The following NAV3 variants were observed in gnomAD, a reference collection of about 807,000 sequenced individuals.
NAV3 encodes the protein pore membrane and/or filament interacting like protein 1.
A neutral mutation model predicts 244.7 loss-of-function variants in NAV3; 87 were observed. That is an observed-to-expected ratio of 0.36 (90% CI 0.30 to 0.42). The LOEUF is 0.42. NAV3 is among the 20% of genes least tolerant of loss of function. NAV3 has a pLI of 1.00. For missense variants in NAV3, 2,663 were observed against 2,893.3 expected (o/e 0.92, Z 1.83); for synonymous variants, 1,126 against 1,042.2 (o/e 1.08, Z -1.55).
intron 9 of NAV3, chr12:78,037,509 G>A (rs1052307472): frequency 1.4e-5 from 8 of 585,864 alleles, no homozygotes; most frequent in African/African-American, 3.8e-5. Context: ...AAAATACATA[G>A]TTACATTTTA....
In NAV3 at chr12:77,948,680, G is replaced by GCCC. The variant is rs148302246; in HGVS notation, c.414+7552_414+7554dup. ...ACTTATTGCTCCTTCTTTTTCAATT[G>GCCC]CCCCCCCACCACTGCCAAACTTAAT... On this transcript the variant is annotated intron_variant, in intron 3 of 39. Transcript: ENST00000397909. Among the ~76,000 whole-genome samples, 15 of 131,320 alleles carry GCCC rather than the reference G, an allele frequency of 1.1e-4. No homozygotes were observed. In the South Asian group the frequency reaches 2.8e-3, roughly 25 times the overall value. The allele number at this position is 131,320 out of a possible 152,430, so 86.2% of individuals were successfully genotyped here.
At chr12:77,689,184 C>A (rs1874893633) in intron 2 of NAV3, among the ~76,000 whole-genome samples, 1 of 151,944 alleles carries the variant, frequency 6.6e-6, no homozygotes, top group South Asian at 2.1e-4. Context: ...GAAATTGCCT[C>A]TTTTCCAGAG....
chr12:78,088,826 G>C (rs912135245), intron 12 of NAV3: 1 of 152,006 alleles, frequency 6.6e-6, no homozygotes. Context: ...TGTATAATGG[G>C]ACCAAAAATA....
At chr12:78,073,361 A>G (rs375174203) in intron 12 of NAV3, among the ~76,000 whole-genome samples, 1 of 148,088 alleles carries the variant, frequency 6.8e-6, no homozygotes, top group Non-Finnish European at 1.5e-5. Context: ...AAATCAATGT[A>G]CAAAAATCAC....
At chr12:77,683,339 C>T (rs1286919198) in intron 2 of NAV3, among the ~76,000 whole-genome samples, 2 of 151,788 alleles carry the variant, frequency 1.3e-5, no homozygotes, top group South Asian at 2.1e-4. Context: ...AGTTTTATCT[C>T]TGGATACCGT....
rs1959404861 is a variant in NAV3 at position 78,199,543 on chromosome 12, A to T, written c.6715+12A>T. 5.2e-6 allele frequency: 8 copies of T among 1,551,044 alleles called. No individual in the cohort carries two copies. In the East Asian group the frequency reaches 7.0e-5, roughly 14 times the overall value. On this transcript the variant is annotated intron_variant, in intron 37 of 39. Coordinates refer to ENST00000397909, the MANE Select transcript of NAV3 (RefSeq NM_001024383.2). ...TGACGTTACCATTGGTGAGTTCCAA[A>T]ATTATAATATGCCATTTTCCAGGAA...
At chr12:78,145,999 A>C (rs1363774474) in intron 20 of NAV3, among the ~76,000 whole-genome samples, 1 of 152,090 alleles carries the variant, frequency 6.6e-6, no homozygotes, top group Non-Finnish European at 1.5e-5. Flanking sequence ...TCTGTATGAA[A>C]GATACTTCAA....
At position 78,006,417 on chromosome 12, in the gene NAV3, A is replaced by C. The variant is rs1874229099; in HGVS notation, c.881-2A>C. ...TTTATTTTTCTTCTAAACAATGTCC[A>C]GATTCCTCCAAAGGACCTCAATCGT... On this transcript the variant is annotated splice_acceptor_variant, in intron 7 of 39. Transcript: ENST00000397909. LOFTEE classifies it high-confidence loss of function. 2 of 1,610,574 alleles carry C rather than the reference A, an allele frequency of 1.2e-6. No homozygotes were observed. The highest frequency in any genetic ancestry group is 2.7e-5 in the African/African-American group (2 of 74,810).
intron 1 of NAV3, among the ~76,000 whole-genome samples, chr12:77,852,904 A>G (rs1229136322): frequency 6.6e-6 from 1 of 152,172 alleles, no homozygotes; most frequent in Admixed American, 6.5e-5. Flanking sequence ...GATAGTTTAT[A>G]GCTTGGGGAT....
intron 3 of NAV3, 76 bp downstream of exon 3, chr12:77,941,209 TA>T (rs1387340995): frequency 5.0e-5 from 48 of 953,838 alleles, no homozygotes; most frequent in African/African-American, 3.3e-4. Flanking sequence ...AAATGGATAT[TA>T]TTTTTTTTCT....
intron 2 of NAV3, among the ~76,000 whole-genome samples, chr12:77,777,544 G>A (rs1870427810): frequency 6.6e-6 from 1 of 152,150 alleles, no homozygotes; most frequent in South Asian, 2.1e-4. Flanking sequence ...TACTCAGAAT[G>A]GAGTGCAATT....
intron 9 of NAV3, among the ~76,000 whole-genome samples, chr12:78,039,278 G>A (rs753625949): frequency 3.3e-5 from 5 of 152,024 alleles, no homozygotes; most frequent in South Asian, 4.1e-4. Flanking sequence ...TTCTGTTTAC[G>A]ACTCAAAATG....
intron 2 of NAV3, among the ~76,000 whole-genome samples, chr12:77,605,212 C>T (rs1052288910): frequency 5.3e-5 from 8 of 152,050 alleles, no homozygotes; most frequent in Non-Finnish European, 1.0e-4. Flanking sequence ...TCAATCATCT[C>T]AATAAAGCTT....
intron 7 of NAV3, among the ~76,000 whole-genome samples, chr12:77,998,850 A>T (rs1219328870): frequency 6.6e-6 from 1 of 152,180 alleles, no homozygotes; most frequent in Non-Finnish European, 1.5e-5. Flanking sequence ...GGTAAGAGCC[A>T]TAAGTGTTTT....
chr12:77,778,429 G>A (rs1189734620), intron 2 of NAV3, among the ~76,000 whole-genome samples: 3 of 151,254 alleles, frequency 2.0e-5, no homozygotes, highest in Admixed American at 1.3e-4. Flanking sequence ...TGGCTAACAC[G>A]GTGAAACCCC....
intron 22 of NAV3, among the ~76,000 whole-genome samples, chr12:78,157,686 T>G (rs1957361884): frequency 1.3e-5 from 2 of 152,122 alleles, no homozygotes; most frequent in South Asian, 4.1e-4. Context: ...TTTTAAACTA[T>G]GATACTTTTT....
chr12:77,888,119 T>C (rs1883509816), intron 1 of NAV3, among the ~76,000 whole-genome samples: 1 of 151,796 alleles, frequency 6.6e-6, no homozygotes, highest in African/African-American at 2.4e-5. Context: ...TAACCATGGG[T>C]TTGCAAAAGA....
intron 2 of NAV3, among the ~76,000 whole-genome samples, chr12:77,634,813 A>G (rs1446210157): frequency 6.6e-6 from 1 of 152,184 alleles, no homozygotes; most frequent in East Asian, 1.9e-4. Flanking sequence ...ATTTAATAAG[A>G]TGAAAGTCTA....
chr12:78,111,915 A>T (rs1955111793), intron 12 of NAV3, among the ~76,000 whole-genome samples: 1 of 152,202 alleles, frequency 6.6e-6, no homozygotes, highest in Admixed American at 6.5e-5. Context: ...TAAGAAAGAT[A>T]TAGTAAAGAA....
Sources: gnomAD v4.1 joint callset for allele counts (sites outside exome capture counted in the v4.1 genomes callset) on GRCh38, gnomAD v4.1.1 for gene constraint, MANE v1.5 for transcripts, NCBI Gene and HGNC (gene_info 2026-07-23, HGNC 2026-07-21) for gene names.